PRKG1: variants seen among roughly 807,000 people sequenced by gnomAD.
The protein encoded by PRKG1 is cGMP-dependent protein kinase 1.
In PRKG1, 35 loss-of-function variants were observed where a neutral mutation model predicts 88.1. That is an observed-to-expected ratio of 0.40 (90% CI 0.30 to 0.53). PRKG1 has a LOEUF of 0.53. PRKG1 is among the 20% of genes least tolerant of loss of function. PRKG1 has a pLI of 0.59. For synonymous variants in PRKG1, 303 were observed against 292.5 expected (o/e 1.04, Z -0.37); for missense variants, 540 against 839.8 (o/e 0.64, Z 4.41).
At chr10:51,013,314 T>A (rs896494760) in intron 1 of PRKG1, among the ~76,000 whole-genome samples, 2 of 152,214 alleles carry the variant, frequency 1.3e-5, no homozygotes, top group African/African-American at 2.4e-5. Flanking sequence ...CTGCTACTAT[T>A]ACTACCACCA....
intron 2 of PRKG1, among the ~76,000 whole-genome samples, chr10:51,316,153 C>A (rs1841311023): frequency 6.6e-6 from 1 of 152,104 alleles, no homozygotes; most frequent in Admixed American, 6.5e-5. Flanking sequence ...ACAAGAAAAT[C>A]TAAGAGAGAT....
At chr10:51,324,598 G>A (rs1320232339) in intron 2 of PRKG1, among the ~76,000 whole-genome samples, 8 of 150,466 alleles carry the variant, frequency 5.3e-5, no homozygotes, top group Admixed American at 1.3e-4. Flanking sequence ...AAAAATAGCC[G>A]GGCGTGGTGG....
chr10:51,510,889 G>A (rs565070817), intron 3 of PRKG1, among the ~76,000 whole-genome samples: 21 of 149,770 alleles, frequency 1.4e-4, no homozygotes, highest in Admixed American at 3.3e-4. Context: ...GACTACAGGC[G>A]CCCACCACCA....
At chr10:52,052,476 G>C (rs1036380539) in intron 5 of PRKG1, among the ~76,000 whole-genome samples, 2 of 151,976 alleles carry the variant, frequency 1.3e-5, no homozygotes, top group Admixed American at 1.3e-4. Context: ...GTGTACACCT[G>C]TGGTCCCAGC....
rs573334278 is a variant in PRKG1, at chr10:52,179,900, G to A, written c.1076+17937G>A. ...GATGGGTTTTCACTGTGTTGGCCAG[G>A]CTGGTCTCAAACTCCTGATTTCGTG... On this transcript the variant is annotated intron_variant, in intron 9 of 17. Coordinates refer to ENST00000373980, the MANE Select transcript of PRKG1 (RefSeq NM_006258.4). 3.9e-4 allele frequency among the ~76,000 whole-genome samples: 60 copies of A among 152,244 alleles called. No individual in the cohort carries two copies. The South Asian group carries it at 0.012, about 29-fold the overall frequency.
In PRKG1 at chr10:51,574,514, C is replaced by G. The variant is rs6650126; in HGVS notation, c.592+106678C>G. On this transcript the variant is annotated intron_variant, in intron 3 of 17. Transcript: ENST00000373980. ...GCTGTTAAGCAGGCAAATGGTAGCA[C>G]TCAACATTCCAACTCACTCTGATGT... Among the ~76,000 whole-genome samples the G allele has an allele frequency of 7.9e-3, 1,207 of 152,006 alleles. 21 individuals are homozygous for G. The highest frequency in any genetic ancestry group is 0.044 in the Middle Eastern group (13 of 294).
chr10:51,354,418 A>G (rs983510343), intron 2 of PRKG1, among the ~76,000 whole-genome samples: 1 of 152,168 alleles, frequency 6.6e-6, no homozygotes, highest in African/African-American at 2.4e-5. Flanking sequence ...AATATCATGT[A>G]CCTTATAAAC....
intron 1 of PRKG1, among the ~76,000 whole-genome samples, chr10:51,032,608 A>G (rs2132747935): frequency 6.6e-6 from 1 of 152,026 alleles, no homozygotes; most frequent in East Asian, 1.9e-4. Context: ...AAAATACAAA[A>G]ATTAGCTGGG....
intron 4 of PRKG1, among the ~76,000 whole-genome samples, chr10:51,806,384 G>A (rs548432593): frequency 6.6e-6 from 1 of 152,254 alleles, no homozygotes; most frequent in African/African-American, 2.4e-5. Flanking sequence ...CTCAATCTGT[G>A]CATACGCACG....
At chr10:51,175,421 G>A (rs939441285) in intron 2 of PRKG1, among the ~76,000 whole-genome samples, 1 of 151,826 alleles carries the variant, frequency 6.6e-6, no homozygotes, top group Admixed American at 6.6e-5. Context: ...TTTGATATAC[G>A]TTTGCCATTT....
chr10:52,128,393 C>G (rs1358176338), intron 7 of PRKG1: 1 of 985,238 alleles, frequency 1.0e-6, no homozygotes, highest in Non-Finnish European at 1.2e-6. Flanking sequence ...CTAGAGTTCT[C>G]TCATAGCCAT....
intron 5 of PRKG1, among the ~76,000 whole-genome samples, chr10:52,009,351 A>T (rs1165229618): frequency 6.6e-6 from 1 of 152,170 alleles, no homozygotes; most frequent in Non-Finnish European, 1.5e-5. Context: ...AGTGTACAAA[A>T]AATTAGTGTC....
intron 7 of PRKG1, among the ~76,000 whole-genome samples, chr10:52,093,392 G>C (rs1847100582): frequency 6.6e-6 from 1 of 152,074 alleles, no homozygotes; most frequent in Non-Finnish European, 1.5e-5. Flanking sequence ...ATTTCATCTA[G>C]CTCTAGCTAC....
chr10:52,117,440 G>A (rs1847715371), intron 7 of PRKG1, among the ~76,000 whole-genome samples: 1 of 151,894 alleles, frequency 6.6e-6, no homozygotes, highest in African/African-American at 2.4e-5. Context: ...ATTACACTGG[G>A]CCAGCATAAA....
intron 3 of PRKG1, among the ~76,000 whole-genome samples, chr10:51,604,200 C>A (rs929793223): frequency 6.6e-6 from 1 of 151,540 alleles, no homozygotes; most frequent in Non-Finnish European, 1.5e-5. Context: ...GTATTCCAAG[C>A]CTTTAAAAGA....
intron 2 of PRKG1, among the ~76,000 whole-genome samples, chr10:51,226,611 A>T (rs1201737676): frequency 6.6e-6 from 1 of 152,230 alleles, no homozygotes; most frequent in African/African-American, 2.4e-5. Context: ...TTCACAGAGA[A>T]GCTTAATAGC....
At chr10:51,928,720 T>TTGCAAATTGC in intron 5 of PRKG1, among the ~76,000 whole-genome samples, 1 of 152,314 alleles carries the variant, frequency 6.6e-6, no homozygotes, top group East Asian at 1.9e-4. Flanking sequence ...AATCAGCTAA[T>TTGCAAATTGC]ATCACTGTTT....
chr10:51,923,687 G>A (rs1842510968), intron 5 of PRKG1, among the ~76,000 whole-genome samples: 1 of 151,494 alleles, frequency 6.6e-6, no homozygotes, highest in African/African-American at 2.4e-5. Flanking sequence ...TTATAAGGTT[G>A]CTGTCATTCA....
chr10:52,256,023 G>A (rs1330345252), intron 10 of PRKG1, among the ~76,000 whole-genome samples: 1 of 142,932 alleles, frequency 7.0e-6, no homozygotes, highest in African/African-American at 2.5e-5. Context: ...TATTTATGTG[G>A]TTTAAGGCCA....
Sources: gnomAD v4.1 joint callset for allele counts (sites outside exome capture counted in the v4.1 genomes callset) on GRCh38, gnomAD v4.1.1 for gene constraint, MANE v1.5 for transcripts, NCBI Gene and HGNC (gene_info 2026-07-23, HGNC 2026-07-21) for gene names.